PRELID2: variants seen among roughly 807,000 people sequenced by gnomAD.
The protein encoded by PRELID2 is PRELI domain-containing protein 2.
Under a neutral mutation model 28.4 loss-of-function variants are expected in PRELID2, and 25 were observed. That is an observed-to-expected ratio of 0.88 (90% confidence interval 0.64 to 1.23). The LOEUF (loss-of-function observed/expected upper bound fraction) is 1.23. Ranked by LOEUF, PRELID2 falls within the 50% of genes most tolerant of loss-of-function variation. The pLI is 0.00. For synonymous variants in PRELID2, 76 were observed against 71.6 expected (o/e 1.06, Z -0.31); for missense variants, 201 against 214.4 (o/e 0.94, Z 0.39).
chr5:145,822,439 A>T (rs540622270), intron 2 of PRELID2, among the ~76,000 whole-genome samples: 13 of 152,324 alleles, frequency 8.5e-5, no homozygotes, highest in Admixed American at 7.8e-4. Context: ...TGACATGTAA[A>T]CAAATGTGAC....
chr5:145,503,164 C>T (rs1318126740), intron 1 of PRELID2, among the ~76,000 whole-genome samples: 1 of 152,112 alleles, frequency 6.6e-6, no homozygotes, highest in East Asian at 1.9e-4. Flanking sequence ...GAACCTAACT[C>T]TCCCATCCCC....
chr5:145,834,969 G>A, intron 1 of PRELID2: 1 of 499,956 alleles, frequency 2.0e-6, no homozygotes, highest in Non-Finnish European at 3.6e-6. Context: ...TGGGGCAGGT[G>A]TGAACGTGAT....
the PRELID2 span, among the ~76,000 whole-genome samples, chr5:145,407,155 TGGAA>T: frequency 6.6e-6 from 1 of 152,154 alleles, no homozygotes; most frequent in African/African-American, 2.4e-5. Flanking sequence ...CAGATAGGTA[TGGAA>T]GGGTGAGTTC....
At chr5:145,359,365 T>A in the PRELID2 span, among the ~76,000 whole-genome samples, 3 of 152,246 alleles carry the variant, frequency 2.0e-5, no homozygotes, top group Admixed American at 2.0e-4. Context: ...CCATCCTCCA[T>A]TAATCTCTCC....
chr5:145,642,260 G>GATGATCATCTTC (rs1357663530), intron 1 of PRELID2, among the ~76,000 whole-genome samples: 1 of 152,196 alleles, frequency 6.6e-6, no homozygotes, highest in African/African-American at 2.4e-5. Context: ...TTTCTCTAAT[G>GATGATCATCTTC]ACCAGTGATG....
intron 1 of PRELID2, among the ~76,000 whole-genome samples, chr5:145,721,892 AAT>A (rs1371726689): frequency 6.6e-6 from 1 of 152,208 alleles, no homozygotes; most frequent in Non-Finnish European, 1.5e-5. Flanking sequence ...TGTAATTCAA[AAT>A]AGAGATAAAA....
chr5:145,325,221 G>C, the PRELID2 span, among the ~76,000 whole-genome samples: 1 of 152,188 alleles, frequency 6.6e-6, no homozygotes, highest in African/African-American at 2.4e-5. Flanking sequence ...TTTTCTTGCT[G>C]TTGGTTTCTT....
intron 1 of PRELID2, among the ~76,000 whole-genome samples, chr5:145,530,333 T>C (rs1332901700): frequency 6.6e-6 from 1 of 152,130 alleles, no homozygotes; most frequent in Non-Finnish European, 1.5e-5. Flanking sequence ...CCCAGTCACA[T>C]TGGGATCACA....
At chr5:145,415,768 T>A in the PRELID2 span, among the ~76,000 whole-genome samples, 1 of 151,998 alleles carries the variant, frequency 6.6e-6, no homozygotes, top group African/African-American at 2.4e-5. Context: ...TATAGCAGCA[T>A]GATTTATAGT....
chr5:145,283,922 G>A, the PRELID2 span, among the ~76,000 whole-genome samples: 1 of 152,028 alleles, frequency 6.6e-6, no homozygotes, highest in Non-Finnish European at 1.5e-5. Flanking sequence ...ATTTTTGTTT[G>A]GTGGGGGGAA....
intron 1 of PRELID2, among the ~76,000 whole-genome samples, chr5:145,474,814 G>A (rs564661441): frequency 1.3e-5 from 2 of 152,294 alleles, no homozygotes; most frequent in South Asian, 4.1e-4. Context: ...TACTCTATCT[G>A]TGGCAGGATC....
intron 1 of PRELID2, among the ~76,000 whole-genome samples, chr5:145,540,454 A>G (rs1752736573): frequency 6.6e-6 from 1 of 151,962 alleles, no homozygotes; most frequent in South Asian, 2.1e-4. Context: ...TAAATAAATT[A>G]TGGTGTGTCC....
chr5:145,541,365 G>A (rs372298676), intron 1 of PRELID2, among the ~76,000 whole-genome samples: 21 of 152,012 alleles, frequency 1.4e-4, no homozygotes, highest in East Asian at 3.9e-4. Flanking sequence ...GAACTTTTAC[G>A]TCCTCATTTT....
chr5:145,521,946 T>C (rs1752566379), intron 1 of PRELID2, among the ~76,000 whole-genome samples: 1 of 152,212 alleles, frequency 6.6e-6, no homozygotes, highest in South Asian at 2.1e-4. Flanking sequence ...TCATTCAATT[T>C]ATGTTCCTTC....
At chr5:145,522,279 C>T (rs983577567) in intron 1 of PRELID2, among the ~76,000 whole-genome samples, 18 of 152,094 alleles carry the variant, frequency 1.2e-4, no homozygotes, top group Admixed American at 7.2e-4. Flanking sequence ...ATAAATACAT[C>T]AAACAGCAGC....
the PRELID2 span, among the ~76,000 whole-genome samples, chr5:145,273,393 G>T: frequency 6.6e-6 from 1 of 152,022 alleles, no homozygotes; most frequent in Non-Finnish European, 1.5e-5. Flanking sequence ...CTTAAATACT[G>T]AGGGAAACTC....
the PRELID2 span, among the ~76,000 whole-genome samples, chr5:145,366,344 C>T: frequency 1.8e-4 from 27 of 151,790 alleles, no homozygotes; most frequent in Non-Finnish European, 2.9e-4. Flanking sequence ...CAAAAAGGGC[C>T]GATTATTTCC....
chr5:145,443,419 C>G, the PRELID2 span, among the ~76,000 whole-genome samples: 2 of 152,018 alleles, frequency 1.3e-5, no homozygotes, highest in African/African-American at 4.8e-5. Context: ...ATATACCTAT[C>G]TCTGAAACAA....
the PRELID2 span, among the ~76,000 whole-genome samples, chr5:145,404,782 G>A: frequency 2.0e-5 from 3 of 152,148 alleles, no homozygotes; most frequent in African/African-American, 7.2e-5. Context: ...AGTTTAAAGT[G>A]AGAAACCTAA....
Sources: allele counts gnomAD v4.1 joint callset (sites outside exome capture counted in the v4.1 genomes callset), GRCh38; gene constraint gnomAD v4.1.1; transcripts MANE v1.5; gene names NCBI Gene and HGNC (gene_info 2026-07-23, HGNC 2026-07-21).